Variants in TMLHE observed in about 807,000 individuals in gnomAD.
TMLHE encodes trimethyllysine hydroxylase, epsilon, also known as trimethyllysine dioxygenase, mitochondrial.
In TMLHE, 18 loss-of-function variants were observed where a neutral mutation model predicts 25.7. The ratio of observed to expected loss-of-function variants is 0.70; its 90% CI spans 0.48 to 1.04. The LOEUF (loss-of-function observed/expected upper bound fraction) is 1.04. TMLHE is among the 50% of genes least tolerant of loss of function. TMLHE has a pLI of 0.00. For synonymous variants in TMLHE, 105 were observed against 97.0 expected (o/e 1.08, Z -0.49); for missense variants, 236 against 259.0 (o/e 0.91, Z 0.61).
At chrX:155,582,189 A>T (rs1557344630) in intron 1 of TMLHE, among the ~76,000 whole-genome samples, 1 of 112,432 alleles carries the variant, frequency 8.9e-6, no homozygotes. Context: ...TGGATTAAAG[A>T]CTTAAATGTT....
Position 155,516,010 on chromosome X carries a change from C to CTTTTTTTTTTTT in TMLHE, c.359-1746_359-1745insAAAAAAAAAAAA, listed in dbSNP as rs782343831. On this transcript the variant is annotated intron_variant, in intron 3 of 7. Coordinates refer to ENST00000334398, the MANE Select transcript of TMLHE (RefSeq NM_018196.4). ...TTTCTATTGGAACAATTGTACTTTT[C>CTTTTTTTTTTTT]TTCTTTTTTTTTTTTTTTTATTATA... Among the ~76,000 whole-genome samples the CTTTTTTTTTTTT allele has an allele frequency of 7.5e-5, 5 of 67,021 alleles. 1 individual carries two copies. The highest frequency in any genetic ancestry group is 4.0e-4 in the Admixed American group (2 of 5,008). The allele number at this position is 67,021 out of a possible 115,157, so 58.2% of individuals were successfully genotyped here. A position where few individuals can be genotyped will look rare whatever the true frequency, so the allele number is the denominator to read the frequency against.
At chrX:155,557,239 C>A (rs782041692) in intron 1 of TMLHE, among the ~76,000 whole-genome samples, 147 of 112,114 alleles carry the variant, frequency 1.3e-3, no homozygotes, top group African/African-American at 4.7e-3. Context: ...TCCATGAAAT[C>A]TTTACAATTT....
Position 155,556,035 on chromosome X carries a change from A to T in TMLHE, c.-1-10758T>A, listed in dbSNP as rs185211017. On this transcript the variant is annotated intron_variant, in intron 1 of 7. Transcript: ENST00000334398. ...CATTTAAGTCTTTAATCCATCTTGA[A>T]TTGGTCTCTTCTTAGTGAAAGAGAC... Among the ~76,000 whole-genome samples, 19 of 110,981 alleles carry T rather than the reference A, an allele frequency of 1.7e-4. No individual in the cohort carries two copies. The Admixed American group carries it at 1.8e-3, about 11-fold the overall frequency.
intron 1 of TMLHE, among the ~76,000 whole-genome samples, chrX:155,599,090 A>C (rs1267718332): frequency 2.7e-5 from 3 of 111,569 alleles, no homozygotes; most frequent in African/African-American, 9.8e-5. Context: ...AGTATGTGTT[A>C]ATTGACTGTT....
chrX:155,572,196 C>A (rs1345091555), intron 1 of TMLHE, among the ~76,000 whole-genome samples: 1 of 56,473 alleles, frequency 1.8e-5, no homozygotes, highest in African/African-American at 4.3e-5. Flanking sequence ...CAATAACAGA[C>A]AAACTGAGAG....
chrX:155,598,643 G>A (rs1331100950), intron 1 of TMLHE, among the ~76,000 whole-genome samples: 3 of 109,453 alleles, frequency 2.7e-5, no homozygotes, highest in Non-Finnish European at 5.7e-5. Flanking sequence ...CATGGCACAT[G>A]TATACATATG....
rs2067130129 is a variant in TMLHE, at chrX:155,513,282, G to A, written c.638+704C>T. The stretch of plus-strand genomic sequence containing the variant: ...ATATACCACCCAAAAGTGCGTAATG[G>A]TAATGAAAAAAACAATGTATTTAGG... On this transcript the variant is annotated intron_variant, in intron 4 of 7. Coordinates refer to ENST00000334398, the MANE Select transcript of TMLHE (RefSeq NM_018196.4). Among the ~76,000 whole-genome samples, 2 of 111,327 alleles carry A rather than the reference G, an allele frequency of 1.8e-5. 1 individual carries two copies. Among genetic ancestry groups the A allele is most frequent in the Admixed American group, 1.9e-4 (2 of 10,462 alleles).
In TMLHE at chrX:155,507,147, A is replaced by G; in HGVS notation, c.759-13T>C. On this transcript the variant is annotated splice_polypyrimidine_tract_variant and intron_variant, in intron 5 of 7. Transcript: ENST00000334398. ...AAACACTTGAATGCTAAAGAGAGAA[A>G]AGAAAATTCTTCTGTTCAGTGGAAG... is the stretch of plus-strand genomic sequence containing the variant. 2.6e-6 allele frequency: 3 copies of G among 1,142,531 alleles called. No individual in the cohort carries two copies. Among genetic ancestry groups the G allele is most frequent in the Non-Finnish European group, 3.6e-6 (3 of 834,739 alleles). The allele number at this position is 1,142,531 out of a possible 1,213,427, so 94.2% of individuals were successfully genotyped here.
chrX:155,582,315 C>T (rs1428693769), intron 1 of TMLHE, among the ~76,000 whole-genome samples: 14 of 111,930 alleles, frequency 1.3e-4, no homozygotes, highest in Non-Finnish European at 3.8e-5. Flanking sequence ...AAAGCCAAAA[C>T]TGACAAATGG....
chrX:155,579,555 C>T (rs782427346), intron 1 of TMLHE, among the ~76,000 whole-genome samples: 2 of 111,731 alleles, frequency 1.8e-5, no homozygotes, highest in African/African-American at 3.2e-5. Flanking sequence ...AGAGGTTACA[C>T]GTGCAGGTTT....
intron 1 of TMLHE, among the ~76,000 whole-genome samples, chrX:155,582,046 C>A (rs1471310445): frequency 8.9e-6 from 1 of 111,998 alleles, no homozygotes; most frequent in East Asian, 2.8e-4. Flanking sequence ...TGATCTTTGA[C>A]AAACGTGACA....
chrX:155,541,665 C>G (rs1474451817), intron 2 of TMLHE, among the ~76,000 whole-genome samples: 44 of 111,750 alleles, frequency 3.9e-4, no homozygotes, highest in South Asian at 7.4e-4. Flanking sequence ...CCCACCAACA[C>G]TGTAAAAGCG....
intron 2 of TMLHE, among the ~76,000 whole-genome samples, chrX:155,537,265 A>G (rs942315200): frequency 9.9e-4 from 111 of 111,589 alleles, no homozygotes; most frequent in African/African-American, 3.5e-3. Flanking sequence ...TCGCTTCTCA[A>G]TGTTGTTTTT....
Position 155,541,039 on chromosome X carries a change from ATTTAT to A in TMLHE, c.181+4052_181+4056del, listed in dbSNP as rs782040975. On this transcript the variant is annotated intron_variant, in intron 2 of 7. Coordinates refer to ENST00000334398, the MANE Select transcript of TMLHE (RefSeq NM_018196.4). The stretch of plus-strand genomic sequence containing the variant: ...GAAAAATTAAGAAAAAATTCCCTTT[ATTTAT>A]TTTATTTTATTTTTTATTATACTTT... Among the ~76,000 whole-genome samples, 454 of 110,858 alleles carry A rather than the reference ATTTAT, an allele frequency of 4.1e-3. 2 individuals are homozygous for A. Among genetic ancestry groups the A allele is most frequent in the African/African-American group, 0.014 (413 of 30,508 alleles).
rs188290186 is a variant in TMLHE at position 155,594,589 on chromosome X, A to T, written c.-2+18203T>A. On this transcript the variant is annotated intron_variant, in intron 1 of 7. Transcript: ENST00000334398. Reference sequence around the variant, plus strand: ...ATACAGTTACATATAGAATAGGAGTATAATGATGGTGTGTAAAGCAATTTT... The same window carrying T: ...ATACAGTTACATATAGAATAGGAGTTTAATGATGGTGTGTAAAGCAATTTT... Among the ~76,000 whole-genome samples the T allele has an allele frequency of 6.7e-4, 75 of 112,162 alleles. 1 individual carries two copies. The highest frequency in any genetic ancestry group is 6.4e-3 in the Admixed American group (68 of 10,574).
intron 1 of TMLHE, among the ~76,000 whole-genome samples, chrX:155,546,429 T>A (rs1157556895): frequency 9.0e-6 from 1 of 111,594 alleles, no homozygotes; most frequent in Admixed American, 9.6e-5. Context: ...TGGTTCTCAA[T>A]GTGAACCTTC....
At chrX:155,545,061 G>A in intron 2 of TMLHE, 35 bp downstream of exon 2, 6 of 1,187,926 alleles carry the variant, frequency 5.1e-6, no homozygotes, top group Non-Finnish European at 5.7e-6. Context: ...CTTACCACAA[G>A]TTTTAAAAAG....
rs1557342279 is a variant in TMLHE, at chrX:155,567,806, A to G, written c.-1-22529T>C. Among the ~76,000 whole-genome samples, 2 of 61,823 alleles carry G rather than the reference A, an allele frequency of 3.2e-5. 1 individual carries two copies. The allele number at this position is 61,823 out of a possible 115,157, so 53.7% of individuals were successfully genotyped here. A position where few individuals can be genotyped will look rare whatever the true frequency, so the allele number is the denominator to read the frequency against. On this transcript the variant is annotated intron_variant, in intron 1 of 7. Transcript: ENST00000334398. Reference sequence around the variant, plus strand: ...TCCACTGATGGAGGGTGCTGCCATCATTTGTAGAAGATCACAATAAAACCC... The same window carrying G: ...TCCACTGATGGAGGGTGCTGCCATCGTTTGTAGAAGATCACAATAAAACCC...
chrX:155,585,266 G>T (rs2067656871), intron 1 of TMLHE, among the ~76,000 whole-genome samples: 1 of 111,239 alleles, frequency 9.0e-6, no homozygotes, highest in Non-Finnish European at 1.9e-5. Context: ...GGGGGATAAT[G>T]AAGACATTAC....
Sources: allele counts gnomAD v4.1 joint callset (sites outside exome capture counted in the v4.1 genomes callset), GRCh38; gene constraint gnomAD v4.1.1; transcripts MANE v1.5; gene names NCBI Gene and HGNC (gene_info 2026-07-23, HGNC 2026-07-21).